The following ATP13A4 variants were observed in gnomAD, a reference collection of about 807,000 sequenced individuals.
ATP13A4 encodes ATPase 13A4, also known as probable cation-transporting ATPase 13A4.
ATP13A4 carries 114 observed loss-of-function variants against 142.5 expected under a neutral mutation model. That is an observed-to-expected ratio of 0.80 (90% CI 0.69 to 0.93). ATP13A4 has a LOEUF of 0.93. ATP13A4 is among the 40% of genes least tolerant of loss of function. ATP13A4 has a pLI of 0.00. For synonymous variants in ATP13A4, 488 were observed against 514.8 expected (o/e 0.95, Z 0.70); for missense variants, 1,392 against 1,454.0 (o/e 0.96, Z 0.69).
Position 193,438,598 on chromosome 3 carries a change from A to C in ATP13A4, c.2563-14T>G. On this transcript the variant is annotated splice_polypyrimidine_tract_variant and intron_variant, in intron 22 of 29. Coordinates refer to ENST00000342695, the MANE Select transcript of ATP13A4 (RefSeq NM_032279.4). Reference sequence around the variant, plus strand: ...CATTTTCAGAGCCTGAAAGCAAAGAATCAGCTTACTCCTCACATAGACTCA... The same window carrying C: ...CATTTTCAGAGCCTGAAAGCAAAGACTCAGCTTACTCCTCACATAGACTCA... The C allele has an allele frequency of 1.9e-6, 3 of 1,602,632 alleles. No homozygotes were observed. Among genetic ancestry groups the C allele is most frequent in the Non-Finnish European group, 2.6e-6 (3 of 1,169,622 alleles).
intron 25 of ATP13A4, among the ~76,000 whole-genome samples, chr3:193,417,888 C>T (rs6783905): frequency 0.62 from 88,808 of 143,076 alleles, 29,218 homozygotes; most frequent in East Asian, 0.86. Context: ...TTTGGGAGGC[C>T]AAGGCGGGCG....
chr3:193,479,958 A>C (rs561012319), intron 8 of ATP13A4, among the ~76,000 whole-genome samples: 1 of 152,330 alleles, frequency 6.6e-6, no homozygotes, highest in East Asian at 1.9e-4. Flanking sequence ...CTTAGAAATA[A>C]AGCCAAACAC....
intron 1 of ATP13A4, among the ~76,000 whole-genome samples, chr3:193,516,640 T>C (rs932330844): frequency 1.3e-5 from 2 of 152,208 alleles, no homozygotes; most frequent in Non-Finnish European, 2.9e-5. Flanking sequence ...ATAGATCAAT[T>C]TGTACCTTCC....
Position 193,483,985 on chromosome 3 carries a change from ATGG to A in ATP13A4, c.756_758del (p.His253del). On this transcript the variant is annotated inframe_deletion, in exon 8 of 30. Coordinates refer to ENST00000342695, the MANE Select transcript of ATP13A4 (RefSeq NM_032279.4). ...TAATGCTATTATGTGACTCGACGAG[ATGG>A]TGGAGTTTTACAGATTGCTGAAAAA... The A allele has an allele frequency of 1.2e-6, 2 of 1,609,902 alleles. No individual in the cohort carries two copies. The highest frequency in any genetic ancestry group is 1.1e-5 in the South Asian group (1 of 90,976).
rs1714243222 is a variant in ATP13A4, at chr3:193,401,021, A to G, written c.*1631T>C. On this transcript the variant is annotated 3_prime_UTR_variant, in exon 30 of 30. Transcript: ENST00000342695. ...ACGCCCTATTTTAAAACCAGAAGTA[A>G]CAGGGTACCCTCATGGCTGGGAGAC... 6.6e-6 allele frequency among the ~76,000 whole-genome samples: 1 copy of G among 152,216 alleles called. No individual in the cohort carries two copies. Among genetic ancestry groups the G allele is most frequent in the African/African-American group, 2.4e-5 (1 of 41,464 alleles).
intron 19 of ATP13A4, 35 bp from the exon 20 acceptor site, chr3:193,441,623 C>A: frequency 2.5e-6 from 4 of 1,608,432 alleles, no homozygotes; most frequent in Non-Finnish European, 3.4e-6. Flanking sequence ...TAGACTCTTT[C>A]ATTTGACAGA....
intron 1 of ATP13A4, among the ~76,000 whole-genome samples, chr3:193,587,217 A>C (rs1724686316): frequency 6.6e-6 from 1 of 152,244 alleles, no homozygotes; most frequent in East Asian, 1.9e-4. Context: ...TCTGAAGATC[A>C]GAAGTCTTTA....
upstream of ATP13A4, among the ~76,000 whole-genome samples, chr3:193,555,782 G>A (rs987780942): frequency 6.6e-6 from 1 of 152,202 alleles, no homozygotes; most frequent in African/African-American, 2.4e-5. Flanking sequence ...ACTGTCAGAA[G>A]TCCCAATGTG....
At chr3:193,525,906 T>G (rs1272552890) in intron 1 of ATP13A4, among the ~76,000 whole-genome samples, 1 of 152,184 alleles carries the variant, frequency 6.6e-6, no homozygotes, top group Non-Finnish European at 1.5e-5. Context: ...TACAGGAAGT[T>G]TATAAAAGAA....
At position 193,577,015 on chromosome 3, in the gene ATP13A4, A is replaced by G. The variant is rs1724410830; in HGVS notation, n.291+4692T>C. Among the ~76,000 whole-genome samples the G allele has an allele frequency of 1.3e-5, 2 of 152,356 alleles. 1 individual carries two copies. The highest frequency in any genetic ancestry group is 6.8e-3 in the Middle Eastern group (2 of 294). On this transcript the variant is annotated intron_variant and non_coding_transcript_variant, in intron 2 of 3. Coordinates refer to the ATP13A4 transcript ENST00000489140. ...TGAGAGAGTGAAAACTCAGCCACGT[A>G]AGCTCAGAACCTCAGGGTCATTGTT...
At chr3:193,532,679 T>C (rs1046551179) in intron 1 of ATP13A4, among the ~76,000 whole-genome samples, 3 of 152,140 alleles carry the variant, frequency 2.0e-5, no homozygotes, top group Non-Finnish European at 4.4e-5. Context: ...TAATTTTTGA[T>C]GCAGTAATGC....
intron 1 of ATP13A4, among the ~76,000 whole-genome samples, chr3:193,583,514 A>G (rs890554769): frequency 1.3e-5 from 2 of 152,150 alleles, no homozygotes; most frequent in Admixed American, 6.5e-5. Context: ...ATTGTATCAA[A>G]TAATAGAAGG....
intron 8 of ATP13A4, among the ~76,000 whole-genome samples, chr3:193,483,632 T>C (rs187067822): frequency 0.046 from 6,942 of 152,058 alleles, 246 homozygotes; most frequent in Non-Finnish European, 0.073. Context: ...GCCCGGCTAA[T>C]TTTTTGTATT....
intron 2 of ATP13A4, among the ~76,000 whole-genome samples, chr3:193,574,293 A>G (rs938365917): frequency 2.0e-5 from 3 of 152,260 alleles, no homozygotes; most frequent in Admixed American, 6.5e-5. Context: ...CCACATCTCA[A>G]GCTCTCCTCT....
At position 193,503,995 on chromosome 3, in the gene ATP13A4, A is replaced by ATGTGTGTGTGTG. The variant is rs554927410; in HGVS notation, c.235-1368_235-1357dup. Among the ~76,000 whole-genome samples, 203 of 136,160 alleles carry ATGTGTGTGTGTG rather than the reference A, an allele frequency of 1.5e-3. No homozygotes were observed. The East Asian group carries it at 0.019, about 13-fold the overall frequency. The allele number at this position is 136,160 out of a possible 152,430, so 89.3% of individuals were successfully genotyped here. A position where few individuals can be genotyped will look rare whatever the true frequency, so the allele number is the denominator to read the frequency against. On this transcript the variant is annotated intron_variant, in intron 2 of 29. Coordinates refer to ENST00000342695, the MANE Select transcript of ATP13A4 (RefSeq NM_032279.4). ...CAGGCTTAGCACAGGTTCTGTGTGC[A>ATGTGTGTGTGTG]TGTGTGTGTGTGTGTGTGTGTGTGT...
chr3:193,513,242 C>T (rs1721231004), intron 2 of ATP13A4, among the ~76,000 whole-genome samples: 2 of 152,174 alleles, frequency 1.3e-5, no homozygotes, highest in Non-Finnish European at 2.9e-5. Flanking sequence ...GGAGTTTAGC[C>T]TCACCTCTGT....
At chr3:193,413,236 T>C (rs1170593127) in intron 26 of ATP13A4, among the ~76,000 whole-genome samples, 1 of 152,240 alleles carries the variant, frequency 6.6e-6, no homozygotes, top group African/African-American at 2.4e-5. Context: ...ATTTATCAGT[T>C]CCCAAATAAT....
Position 193,583,382 on chromosome 3 carries a change from G to A in ATP13A4, n.92-1476C>T, listed in dbSNP as rs374806261. 4.6e-5 allele frequency among the ~76,000 whole-genome samples: 7 copies of A among 151,802 alleles called. No individual in the cohort carries two copies. The East Asian group carries it at 9.7e-4, about 21-fold the overall frequency. On this transcript the variant is annotated intron_variant and non_coding_transcript_variant, in intron 1 of 3. Coordinates refer to the ATP13A4 transcript ENST00000489140. ...CAGGAGGCGGAGGTTGCAGTGAGCC[G>A]AGATCATGCCACTGCACTCCAGCCT... is the stretch of plus-strand genomic sequence containing the variant.
chr3:193,429,847 A>C (rs1200323544), intron 25 of ATP13A4, among the ~76,000 whole-genome samples: 1 of 152,074 alleles, frequency 6.6e-6, no homozygotes, highest in African/African-American at 2.4e-5. Flanking sequence ...CATAATTCTA[A>C]TTTCTTAATT....
Sources: allele counts gnomAD v4.1 joint callset (sites outside exome capture counted in the v4.1 genomes callset), GRCh38; gene constraint gnomAD v4.1.1; transcripts MANE v1.5; gene names NCBI Gene and HGNC (gene_info 2026-07-23, HGNC 2026-07-21).